Variants in ROBO1 observed in about 807,000 individuals in gnomAD.
The protein encoded by ROBO1 is roundabout guidance receptor 1.
Under a neutral mutation model 195.9 loss-of-function variants are expected in ROBO1, and 149 were observed. The ratio of observed to expected loss-of-function variants is 0.76; its 90% CI spans 0.67 to 0.87. ROBO1 has a LOEUF of 0.87. Among genes scored for constraint, ROBO1 ranks in the 40% least tolerant of loss-of-function variants. ROBO1 has a pLI of 0.00. For synonymous variants in ROBO1, 816 were observed against 733.2 expected (o/e 1.11, Z -1.82); for missense variants, 1,933 against 2,068.3 (o/e 0.93, Z 1.27).
chr3:79,084,193 T>C (rs2079325317), intron 3 of ROBO1, among the ~76,000 whole-genome samples: 1 of 152,188 alleles, frequency 6.6e-6, no homozygotes, highest in Non-Finnish European at 1.5e-5. Context: ...TCTTAAGTTT[T>C]CTCATCTGTT....
rs115593131 is a variant in ROBO1, at chr3:79,361,815, C to T, written c.88+228009G>A. On this transcript the variant is annotated intron_variant, in intron 2 of 30. Transcript: ENST00000464233. ...TACTTTTTTATTCAATGTAACCTCC[C>T]TTTTAGACAGAAAATTAATTGTTGT... Among the ~76,000 whole-genome samples, 393 of 152,086 alleles carry T rather than the reference C, an allele frequency of 2.6e-3. 1 individual carries two copies. The highest frequency in any genetic ancestry group is 8.4e-3 in the African/African-American group (348 of 41,512).
chr3:79,057,901 G>A (rs2078842462), intron 3 of ROBO1, among the ~76,000 whole-genome samples: 1 of 152,030 alleles, frequency 6.6e-6, no homozygotes, highest in Non-Finnish European at 1.5e-5. Context: ...AGAAGGCCCT[G>A]CATTTAATGT....
chr3:78,907,067 G>A (rs1358526174), intron 4 of ROBO1, among the ~76,000 whole-genome samples: 1 of 151,848 alleles, frequency 6.6e-6, no homozygotes, highest in Non-Finnish European at 1.5e-5. Context: ...CATATAATTT[G>A]GATTTTCTCC....
chr3:78,630,609 C>T (rs971855180), intron 25 of ROBO1, among the ~76,000 whole-genome samples: 7 of 152,108 alleles, frequency 4.6e-5, no homozygotes, highest in Admixed American at 1.3e-4. Flanking sequence ...GTACCATGTC[C>T]AGTTCTACAG....
intron 3 of ROBO1, among the ~76,000 whole-genome samples, chr3:79,014,863 G>T (rs568552452): frequency 6.6e-6 from 1 of 152,246 alleles, no homozygotes; most frequent in Admixed American, 6.5e-5. Context: ...TAACACAGAT[G>T]ATAATAAATA....
At chr3:78,619,732 A>G (rs748894532) in intron 26 of ROBO1, among the ~76,000 whole-genome samples, 3 of 152,054 alleles carry the variant, frequency 2.0e-5, no homozygotes, top group Non-Finnish European at 2.9e-5. Context: ...AAATTAACAG[A>G]AATGACTGGG....
chr3:79,350,861 C>T (rs538902608), intron 2 of ROBO1, among the ~76,000 whole-genome samples: 5 of 152,012 alleles, frequency 3.3e-5, no homozygotes, highest in African/African-American at 1.2e-4. Context: ...CTATGTTGCC[C>T]AGGATTGAGT....
intron 2 of ROBO1, among the ~76,000 whole-genome samples, chr3:79,158,808 G>A (rs1449071823): frequency 6.6e-6 from 1 of 151,612 alleles, no homozygotes; most frequent in Non-Finnish European, 1.5e-5. Flanking sequence ...ATGGGTTTTT[G>A]TATTTACTTA....
intron 1 of ROBO1, among the ~76,000 whole-genome samples, chr3:79,724,765 G>A (rs913869669): frequency 6.6e-6 from 1 of 152,222 alleles, no homozygotes; most frequent in Admixed American, 6.5e-5. Flanking sequence ...CTGACTCACA[G>A]AAAGTGTGAG....
At chr3:79,551,978 GTTAA>G (rs1344527504) in intron 2 of ROBO1, among the ~76,000 whole-genome samples, 150 of 48,960 alleles carry the variant, frequency 3.1e-3, no homozygotes, top group African/African-American at 0.012. Flanking sequence ...TCTCTACAGA[GTTAA>G]AAAAAAAAAA....
chr3:78,971,479 T>C (rs2076765052), intron 3 of ROBO1, among the ~76,000 whole-genome samples: 1 of 152,084 alleles, frequency 6.6e-6, no homozygotes, highest in African/African-American at 2.4e-5. Context: ...TTCACCAGAC[T>C]ATAACCTAAA....
intron 1 of ROBO1, among the ~76,000 whole-genome samples, chr3:79,663,806 C>A (rs1415412217): frequency 6.6e-6 from 1 of 152,002 alleles, no homozygotes; most frequent in Non-Finnish European, 1.5e-5. Flanking sequence ...ATCCTGGAAT[C>A]TCTTCCCACT....
intron 2 of ROBO1, among the ~76,000 whole-genome samples, chr3:79,517,875 A>C (rs1235921339): frequency 6.6e-6 from 1 of 152,238 alleles, no homozygotes; most frequent in Non-Finnish European, 1.5e-5. Flanking sequence ...GGGAACAATG[A>C]TTGAATGAAT....
At chr3:79,150,935 C>T (rs1189277728) in intron 2 of ROBO1, among the ~76,000 whole-genome samples, 1 of 151,448 alleles carries the variant, frequency 6.6e-6, no homozygotes, top group Non-Finnish European at 1.5e-5. Context: ...TGGCTGTGTC[C>T]CCATCCAAAT....
At chr3:78,840,929 GT>G (rs777910524) in intron 4 of ROBO1, among the ~76,000 whole-genome samples, 1 of 151,794 alleles carries the variant, frequency 6.6e-6, no homozygotes, top group South Asian at 2.1e-4. Flanking sequence ...GGGCGTGGTG[GT>G]GGGCGCCTGT....
rs376397880 is a variant in ROBO1 at position 79,667,398 on chromosome 3, T to C, written c.-50-77437A>G. ...AAGTAATTGTTCTTTGTATTTAATA[T>C]ACATTGTTATATATTATAACTAAAT... On this transcript the variant is annotated intron_variant, in intron 1 of 30. Coordinates refer to ENST00000464233, the MANE Select transcript of ROBO1 (RefSeq NM_002941.4). 4.6e-5 allele frequency among the ~76,000 whole-genome samples: 7 copies of C among 151,964 alleles called. No individual in the cohort carries two copies. The East Asian group carries it at 1.4e-3, about 30-fold the overall frequency.
chr3:79,224,375 C>A (rs1389916766), intron 2 of ROBO1, among the ~76,000 whole-genome samples: 1 of 152,206 alleles, frequency 6.6e-6, no homozygotes, highest in Non-Finnish European at 1.5e-5. Context: ...TGGGCCTTGA[C>A]ATGCCTGGAG....
At chr3:78,751,459 G>A (rs1468846083) in intron 4 of ROBO1, among the ~76,000 whole-genome samples, 1 of 152,088 alleles carries the variant, frequency 6.6e-6, no homozygotes, top group African/African-American at 2.4e-5. Flanking sequence ...TTGATTCACA[G>A]GTGAGGAATT....
intron 3 of ROBO1, among the ~76,000 whole-genome samples, chr3:79,119,324 T>C (rs1236347960): frequency 6.6e-6 from 1 of 152,186 alleles, no homozygotes; most frequent in Non-Finnish European, 1.5e-5. Flanking sequence ...GAGGATAGAA[T>C]TACGCATGTC....
Sources: gnomAD v4.1 joint callset for allele counts (sites outside exome capture counted in the v4.1 genomes callset) on GRCh38, gnomAD v4.1.1 for gene constraint, MANE v1.5 for transcripts, NCBI Gene and HGNC (gene_info 2026-07-23, HGNC 2026-07-21) for gene names.